The following SVIL variants were observed in gnomAD, a reference collection of about 807,000 sequenced individuals.
The protein encoded by SVIL is supervillin, also known as archvillin.
SVIL carries 101 observed loss-of-function variants against 240.4 expected under a neutral mutation model. That is an observed-to-expected ratio of 0.42 (90% confidence interval 0.36 to 0.50). SVIL has a LOEUF of 0.50. SVIL is among the 20% of genes least tolerant of loss of function. The pLI, the probability that SVIL is intolerant of heterozygous loss-of-function variation, is 0.01. For missense variants in SVIL, 2,512 were observed against 2,818.7 expected (o/e 0.89, Z 2.46); for synonymous variants, 999 against 1,100.0 (o/e 0.91, Z 1.82).
At chr10:29,626,367 C>T (rs549826023) in intron 1 of SVIL, among the ~76,000 whole-genome samples, 21 of 152,274 alleles carry the variant, frequency 1.4e-4, no homozygotes, top group African/African-American at 5.1e-4. Context: ...TTAAACGCTA[C>T]GAGGGCAGGA....
intron 1 of SVIL, among the ~76,000 whole-genome samples, chr10:29,688,666 A>G (rs2479446): frequency 0.72 from 108,922 of 152,060 alleles, 39,051 homozygotes; most frequent in East Asian, 0.83. Context: ...TTAAAAAATT[A>G]TCTATCTACA....
chr10:29,659,354 C>T (rs1020743067), intron 2 of SVIL, among the ~76,000 whole-genome samples: 2 of 152,152 alleles, frequency 1.3e-5, no homozygotes, highest in African/African-American at 4.8e-5. Context: ...TTCTCATCTC[C>T]TCTCTGTTGT....
chr10:29,508,806 G>A, intron 17 of SVIL, among the ~76,000 whole-genome samples: 1 of 152,146 alleles, frequency 6.6e-6, no homozygotes, highest in Admixed American at 6.5e-5. Flanking sequence ...AGTTCCCTCT[G>A]GAACTCAGAA....
At chr10:29,551,319 A>T in intron 5 of SVIL, 56 bp from the exon 6 acceptor site, 1 of 1,491,446 alleles carries the variant, frequency 6.7e-7, no homozygotes, top group African/African-American at 1.4e-5. Context: ...ACATGTATTT[A>T]CACACAGAAT....
chr10:29,464,042 C>T (rs555306527), intron 34 of SVIL, among the ~76,000 whole-genome samples: 37 of 152,344 alleles, frequency 2.4e-4, no homozygotes, highest in African/African-American at 7.9e-4. Flanking sequence ...CACTGGAGCG[C>T]ACATCTCACT....
In SVIL at chr10:29,666,989, AAGGCTCTGAAGG is replaced by A. The variant is rs576950730; in HGVS notation, c.-300-8933_-300-8922del. 5.8e-3 allele frequency among the ~76,000 whole-genome samples: 888 copies of A among 152,206 alleles called. 2 individuals carry two copies. The highest frequency in any genetic ancestry group is 0.034 in the Middle Eastern group (10 of 294). On this transcript the variant is annotated intron_variant, in intron 2 of 35. Coordinates refer to the SVIL transcript ENST00000375400. Reference sequence around the variant, plus strand: ...GACTAATACAGGGTGTTAGTGCTTGAAGGCTCTGAAGGAGGTAGGAGCGCTCACATTTTGCTG... The same window carrying A: ...GACTAATACAGGGTGTTAGTGCTTGAAGGTAGGAGCGCTCACATTTTGCTG...
chr10:29,484,380 T>G lies in SVIL; in HGVS notation c.4955+276A>C, dbSNP rs1810783. Among the ~76,000 whole-genome samples the G allele has an allele frequency of 0.46, 70,178 of 152,006 alleles. 17,461 individuals are homozygous for G. The highest frequency in any genetic ancestry group is 0.63 in the African/African-American group (26,314 of 41,442). ...TGTTCATCTGCCACAGCAGCACTTG[T>G]AATGCCGCAGGGAGGAACTTGCAGC... is the stretch of plus-strand genomic sequence containing the variant. On this transcript the variant is annotated intron_variant, in intron 27 of 37. Transcript: ENST00000355867. This position sits in a 1 kb window ranked among gnomAD's most constrained non-coding sequence, Gnocchi z 4.7.
chr10:29,700,552 G>C (rs1000755715), intron 1 of SVIL, among the ~76,000 whole-genome samples: 1 of 145,350 alleles, frequency 6.9e-6, no homozygotes, highest in African/African-American at 2.6e-5. Context: ...CTCACTGCAA[G>C]CTCCGCCTCC....
intron 36 of SVIL, among the ~76,000 whole-genome samples, chr10:29,460,378 C>A (rs1178468491): frequency 6.6e-6 from 1 of 152,158 alleles, no homozygotes; most frequent in South Asian, 2.1e-4. Flanking sequence ...CGGCTGGAAT[C>A]CCACAGGCCT....
chr10:29,547,629 T>C lies in SVIL; in HGVS notation c.827+2968A>G, dbSNP rs181715274. 2.8e-4 allele frequency among the ~76,000 whole-genome samples: 43 copies of C among 152,338 alleles called. No individual in the cohort carries two copies. In the East Asian group the frequency reaches 7.9e-3, roughly 28 times the overall value. On this transcript the variant is annotated intron_variant, in intron 6 of 37. Transcript: ENST00000355867. ...CAAGTTATATACATTTTTTTAATATTAAGATTTTAACTCATACGAAATATG... is the reference window on the plus strand; with the variant it reads ...CAAGTTATATACATTTTTTTAATATCAAGATTTTAACTCATACGAAATATG...
intron 1 of SVIL, among the ~76,000 whole-genome samples, chr10:29,614,849 A>G (rs1186854398): frequency 6.6e-6 from 1 of 152,178 alleles, no homozygotes; most frequent in Non-Finnish European, 1.5e-5. Flanking sequence ...GAAATCCACG[A>G]ATCATTTGGG....
intron 3 of SVIL, among the ~76,000 whole-genome samples, chr10:29,655,332 C>T (rs1357514361): frequency 2.0e-5 from 3 of 152,152 alleles, no homozygotes; most frequent in African/African-American, 4.8e-5. Flanking sequence ...CCCCGGCAAG[C>T]CACTGGTGCA....
chr10:29,642,460 A>G (rs1224840211), intron 3 of SVIL, among the ~76,000 whole-genome samples: 2 of 69,210 alleles, frequency 2.9e-5, no homozygotes, highest in Non-Finnish European at 6.2e-5. Context: ...AGAAAGAAAG[A>G]AAGAAAGACC....
intron 17 of SVIL, among the ~76,000 whole-genome samples, chr10:29,500,113 G>A (rs1195545379): frequency 2.0e-5 from 3 of 152,126 alleles, no homozygotes; most frequent in Admixed American, 6.5e-5. Context: ...GCCTGGGATG[G>A]GGAGATGGGG....
intron 1 of SVIL, among the ~76,000 whole-genome samples, chr10:29,710,177 C>T (rs944684111): frequency 2.0e-5 from 3 of 152,062 alleles, no homozygotes; most frequent in Admixed American, 1.3e-4. Flanking sequence ...CCTCAGCTTC[C>T]TGAGTACGTG....
At chr10:29,713,847 C>T (rs1348406383) in intron 1 of SVIL, among the ~76,000 whole-genome samples, 2 of 152,272 alleles carry the variant, frequency 1.3e-5, no homozygotes, top group Middle Eastern at 3.4e-3. Flanking sequence ...TTAGAAAATG[C>T]TAGGTTTAAA....
intron 1 of SVIL, among the ~76,000 whole-genome samples, chr10:29,688,444 T>C (rs1961256545): frequency 6.6e-6 from 1 of 152,228 alleles, no homozygotes; most frequent in Non-Finnish European, 1.5e-5. Flanking sequence ...CGTTCCCTGC[T>C]TTCTTTGTTA....
At chr10:29,713,770 C>T (rs1378226413) in intron 1 of SVIL, among the ~76,000 whole-genome samples, 1 of 152,200 alleles carries the variant, frequency 6.6e-6, no homozygotes, top group Non-Finnish European at 1.5e-5. Context: ...AAACTATGTA[C>T]TACAGGATAC....
chr10:29,690,079 T>C (rs910109159), intron 1 of SVIL, among the ~76,000 whole-genome samples: 1 of 152,208 alleles, frequency 6.6e-6, no homozygotes, highest in African/African-American at 2.4e-5. Flanking sequence ...ACCAAGACCT[T>C]GAATATCTTT....
Sources: allele counts gnomAD v4.1 joint callset (sites outside exome capture counted in the v4.1 genomes callset), GRCh38; gene constraint gnomAD v4.1.1; non-coding constraint Gnocchi (gnomAD v3.1); transcripts MANE v1.5; gene names NCBI Gene and HGNC (gene_info 2026-07-23, HGNC 2026-07-21).